Variants in SLC39A11 observed in about 807,000 individuals in gnomAD.
The protein encoded by SLC39A11 is zinc transporter ZIP11.
A neutral mutation model predicts 36.1 loss-of-function variants in SLC39A11; 33 were observed. The observed-to-expected ratio is 0.91, with a 90% confidence interval of 0.69 to 1.22. SLC39A11 has a LOEUF of 1.22. Ranked by LOEUF, SLC39A11 falls within the 50% of genes most tolerant of loss-of-function variation. SLC39A11 has a pLI of 0.00. For synonymous variants in SLC39A11, 166 were observed against 170.3 expected, an observed-to-expected ratio of 0.97 and a Z score of 0.20; for missense variants, 432 against 430.3, an observed-to-expected ratio of 1.00 and a Z score of -0.03.
intron 5 of SLC39A11, among the ~76,000 whole-genome samples, chr17:72,854,201 T>C (rs1598119595): frequency 2.0e-5 from 3 of 151,848 alleles, no homozygotes; most frequent in African/African-American, 7.2e-5. Context: ...GCAGAGTAAC[T>C]GGTCCCAGGT....
chr17:72,732,293 C>T (rs957036969), intron 7 of SLC39A11, among the ~76,000 whole-genome samples: 5 of 151,984 alleles, frequency 3.3e-5, no homozygotes, highest in Non-Finnish European at 7.4e-5. Context: ...GGATTATAGG[C>T]GTGAGCCACG....
intron 5 of SLC39A11, among the ~76,000 whole-genome samples, chr17:72,883,549 G>A (rs1240668788): frequency 6.6e-6 from 1 of 151,750 alleles, no homozygotes; most frequent in Admixed American, 6.6e-5. Flanking sequence ...AATCTGGGAA[G>A]GCAGGTTCTA....
intron 6 of SLC39A11, among the ~76,000 whole-genome samples, chr17:72,759,129 T>TAATAATAATAATAATAATAAAAAA (rs201794070): frequency 6.6e-6 from 1 of 150,790 alleles, no homozygotes; most frequent in African/African-American, 2.4e-5. Flanking sequence ...ATAATAATAA[T>TAATAATAATAATAATAATAAAAAA]AAATAATCTT....
At chr17:72,705,656 G>A (rs373878532) in intron 7 of SLC39A11, among the ~76,000 whole-genome samples, 1 of 152,286 alleles carries the variant, frequency 6.6e-6, no homozygotes, top group East Asian at 1.9e-4. Flanking sequence ...CAACCATGAA[G>A]GACCAAGAGT....
At chr17:72,937,536 G>A (rs1036211923) in intron 5 of SLC39A11, among the ~76,000 whole-genome samples, 1 of 152,178 alleles carries the variant, frequency 6.6e-6, no homozygotes, top group Non-Finnish European at 1.5e-5. Context: ...AGGCAGTAAA[G>A]GCATGATTTG....
intron 6 of SLC39A11, among the ~76,000 whole-genome samples, chr17:72,814,083 A>C (rs1192503795): frequency 2.6e-5 from 4 of 152,240 alleles, no homozygotes. Flanking sequence ...TGTCTAATAC[A>C]GTAGCCACAT....
chr17:72,824,036 C>CAAA (rs35071443), intron 6 of SLC39A11, among the ~76,000 whole-genome samples: 2,314 of 151,036 alleles, frequency 0.015, 72 homozygotes, highest in African/African-American at 0.053. Flanking sequence ...AATAAAAGCA[C>CAAA]AAAAAAACAT....
At chr17:72,727,519 G>A (rs933711037) in intron 7 of SLC39A11, among the ~76,000 whole-genome samples, 1 of 151,966 alleles carries the variant, frequency 6.6e-6, no homozygotes, top group African/African-American at 2.4e-5. Context: ...AGGCGTGGTG[G>A]CGGGTGCCTG....
chr17:72,681,308 A>G (rs2144305386), intron 7 of SLC39A11, among the ~76,000 whole-genome samples: 1 of 152,224 alleles, frequency 6.6e-6, no homozygotes, highest in South Asian at 2.1e-4. Context: ...CAGGCTAAGG[A>G]TTTCATGCTT....
At chr17:72,919,140 C>G (rs2083494694) in intron 5 of SLC39A11, among the ~76,000 whole-genome samples, 1 of 152,114 alleles carries the variant, frequency 6.6e-6, no homozygotes, top group African/African-American at 2.4e-5. Context: ...TAAAATTTGC[C>G]TCTCCACGTG....
intron 5 of SLC39A11, among the ~76,000 whole-genome samples, chr17:72,920,194 C>G (rs2083574252): frequency 6.6e-6 from 1 of 152,056 alleles, no homozygotes; most frequent in African/African-American, 2.4e-5. Context: ...AATGTCCTCC[C>G]TGCTGCAATC....
chr17:73,068,208 C>T lies in SLC39A11; in HGVS notation c.147+16600G>A, dbSNP rs2060054710. ...GACGGGGGCTCCAGAGTGGTTGTTT[C>T]TGGGGAGACCTCCGTAAGTCCTTCC... On this transcript the variant is annotated intron_variant, in intron 3 of 9. Transcript: ENST00000255559. The T allele has an allele frequency of 8.7e-6, 9 of 1,040,392 alleles. No individual in the cohort carries two copies. In the South Asian group the frequency reaches 9.0e-5, roughly 10 times the overall value. The allele number at this position is 1,040,392 out of a possible 1,614,324, so 64.4% of individuals were successfully genotyped here. A position where few individuals can be genotyped will look rare whatever the true frequency, so the allele number is the denominator to read the frequency against.
chr17:72,811,433 T>C (rs376756443), intron 6 of SLC39A11, among the ~76,000 whole-genome samples: 235 of 152,334 alleles, frequency 1.5e-3, no homozygotes, highest in African/African-American at 5.4e-3. Context: ...GTTTATAATT[T>C]TAAAGCTTTG....
At chr17:72,905,275 T>C (rs1262025213) in intron 5 of SLC39A11, among the ~76,000 whole-genome samples, 1 of 149,556 alleles carries the variant, frequency 6.7e-6, no homozygotes, top group Non-Finnish European at 1.5e-5. Context: ...TGGATTCTGT[T>C]TCTGTTTCCT....
rs1478533355 is a variant in SLC39A11 at position 72,689,008 on chromosome 17, C to G, written c.672-39740G>C. 5.3e-5 allele frequency among the ~76,000 whole-genome samples: 8 copies of G among 152,176 alleles called. 1 individual carries two copies. Among genetic ancestry groups the G allele is most frequent in the Non-Finnish European group, 1.2e-4 (8 of 68,030 alleles). ...TGGTGTTCTGTTTCCCCCCACACTG[C>G]CCAGGGCCCCTCTTGGAGCAGGTAC... On this transcript the variant is annotated intron_variant, in intron 7 of 9. Transcript: ENST00000255559.
chr17:72,759,880 G>A (rs2075506358), intron 6 of SLC39A11, among the ~76,000 whole-genome samples: 1 of 152,164 alleles, frequency 6.6e-6, no homozygotes, highest in Admixed American at 6.5e-5. Context: ...TCCAAACAAG[G>A]AAGCGCTGTC....
intron 5 of SLC39A11, among the ~76,000 whole-genome samples, chr17:72,918,422 A>C (rs1239473136): frequency 6.6e-6 from 1 of 152,098 alleles, no homozygotes; most frequent in Non-Finnish European, 1.5e-5. Context: ...AAAAAGAAAA[A>C]AGAAAAGAGC....
chr17:72,749,594 T>C (rs1431047125), intron 6 of SLC39A11, among the ~76,000 whole-genome samples: 1 of 152,146 alleles, frequency 6.6e-6, no homozygotes, highest in Non-Finnish European at 1.5e-5. Flanking sequence ...GACAAGCCTA[T>C]TTTGTGATAA....
chr17:72,855,732 TA>T (rs1310310093), intron 5 of SLC39A11, among the ~76,000 whole-genome samples: 6 of 109,178 alleles, frequency 5.5e-5, no homozygotes, highest in Admixed American at 9.0e-5. Flanking sequence ...CCGTCTCTAC[TA>T]AAAAATACAA....
Sources: allele counts gnomAD v4.1 joint callset (sites outside exome capture counted in the v4.1 genomes callset), GRCh38; gene constraint gnomAD v4.1.1; transcripts MANE v1.5; gene names NCBI Gene and HGNC (gene_info 2026-07-23, HGNC 2026-07-21).